TANC2: variants seen among roughly 807,000 people sequenced by gnomAD.
TANC2 encodes protein TANC2.
Under a neutral mutation model 210.5 loss-of-function variants are expected in TANC2, and 26 were observed. The ratio of observed to expected loss-of-function variants is 0.12; its 90% confidence interval spans 0.09 to 0.17. TANC2 has a LOEUF of 0.17. Among genes scored for constraint, TANC2 ranks in the 10% least tolerant of loss-of-function variants. The pLI is 1.00. For synonymous variants in TANC2, 931 were observed against 967.1 expected, an observed-to-expected ratio of 0.96 and a Z score of 0.69; for missense variants, 2,129 against 2,608.9, an observed-to-expected ratio of 0.82 and a Z score of 4.01.
chr17:63,165,284 A>G (rs1197740371), intron 5 of TANC2, among the ~76,000 whole-genome samples: 1 of 151,884 alleles, frequency 6.6e-6, no homozygotes, highest in East Asian at 1.9e-4. Flanking sequence ...TTAAAAAAAA[A>G]AGAAAGAAAT....
chr17:63,080,016 A>G (rs956846500), intron 3 of TANC2, among the ~76,000 whole-genome samples: 1 of 152,156 alleles, frequency 6.6e-6, no homozygotes, highest in Non-Finnish European at 1.5e-5. Context: ...GTTATTTTCT[A>G]CTTTCCAATA....
chr17:63,043,015 A>G (rs762681391), intron 2 of TANC2, among the ~76,000 whole-genome samples: 2 of 152,052 alleles, frequency 1.3e-5, no homozygotes, highest in African/African-American at 2.4e-5. Context: ...TCATAAAACT[A>G]TTTGTATTTT....
chr17:63,118,288 A>G (rs1339727340), intron 4 of TANC2, among the ~76,000 whole-genome samples: 1 of 152,122 alleles, frequency 6.6e-6, no homozygotes, highest in Admixed American at 6.5e-5. Flanking sequence ...GCAAGTTATG[A>G]TATTTATTGT....
At chr17:63,224,622 T>C (rs1270957157) in intron 7 of TANC2, among the ~76,000 whole-genome samples, 1 of 152,220 alleles carries the variant, frequency 6.6e-6, no homozygotes, top group Non-Finnish European at 1.5e-5. Flanking sequence ...TCCTCACTGA[T>C]ATTAGAGACC....
chr17:63,222,720 AACAC>A (rs58881477), intron 7 of TANC2, among the ~76,000 whole-genome samples: 2,710 of 148,548 alleles, frequency 0.018, 33 homozygotes, highest in African/African-American at 0.026. Context: ...AAACTGATTA[AACAC>A]ACACACACAC....
chr17:63,413,099 T>A (rs1356003745), intron 24 of TANC2: 1 of 226,208 alleles, frequency 4.4e-6, no homozygotes, highest in Non-Finnish European at 8.5e-6. Context: ...TATCAGTGGT[T>A]TCCCTTCTGC....
At chr17:63,207,457 C>T (rs997964433) in intron 7 of TANC2, among the ~76,000 whole-genome samples, 5 of 151,908 alleles carry the variant, frequency 3.3e-5, no homozygotes, top group African/African-American at 7.3e-5. Flanking sequence ...CCTCGTGATC[C>T]GCCCGCCTCA....
chr17:63,279,399 GAGGAGT>G (rs1226063900), intron 9 of TANC2, among the ~76,000 whole-genome samples: 1 of 151,616 alleles, frequency 6.6e-6, no homozygotes, highest in Non-Finnish European at 1.5e-5. Flanking sequence ...AAGATGGAGA[GAGGAGT>G]TAAGTAATTT....
At chr17:62,997,479 T>C (rs2143665199) in intron 1 of TANC2, among the ~76,000 whole-genome samples, 1 of 152,296 alleles carries the variant, frequency 6.6e-6, no homozygotes, top group Admixed American at 6.5e-5. Flanking sequence ...ATATGTAGCT[T>C]ACTTTTTATA....
chr17:63,427,532 CTG>C (rs1310771209), exon 28 of TANC2: 1 of 152,258 alleles, frequency 6.6e-6, no homozygotes, highest in Non-Finnish European at 1.5e-5. Flanking sequence ...TTTTCCTTTG[CTG>C]TACTTGCTTG....
chr17:63,367,632 G>C (rs928104357), intron 14 of TANC2, among the ~76,000 whole-genome samples: 1 of 152,170 alleles, frequency 6.6e-6, no homozygotes, highest in African/African-American at 2.4e-5. Flanking sequence ...GTTCAGCCTG[G>C]AAGTATGGGT....
At chr17:63,070,431 C>T (rs1258935784) in intron 2 of TANC2, among the ~76,000 whole-genome samples, 2 of 152,160 alleles carry the variant, frequency 1.3e-5, no homozygotes, top group African/African-American at 4.8e-5. Context: ...CCCATGCAGC[C>T]ATTAAACTTT....
intron 9 of TANC2, among the ~76,000 whole-genome samples, chr17:63,297,928 G>A (rs1596354): frequency 0.44 from 66,826 of 151,890 alleles, 18,283 homozygotes; most frequent in African/African-American, 0.78. Flanking sequence ...CAAAGAAGAT[G>A]TACAGATGTC....
intron 5 of TANC2, among the ~76,000 whole-genome samples, chr17:63,174,124 C>T (rs1455347398): frequency 6.6e-6 from 1 of 152,202 alleles, no homozygotes; most frequent in Non-Finnish European, 1.5e-5. Flanking sequence ...TTTGACATGA[C>T]TTTGGCATCT....
intron 19 of TANC2, among the ~76,000 whole-genome samples, chr17:63,401,954 C>T (rs1319201783): frequency 6.6e-6 from 1 of 152,164 alleles, no homozygotes; most frequent in African/African-American, 2.4e-5. Flanking sequence ...TGCCTCTAGC[C>T]TCACCCTTTT....
chr17:63,380,161 A>T (rs951201371), intron 15 of TANC2, among the ~76,000 whole-genome samples: 1 of 152,222 alleles, frequency 6.6e-6, no homozygotes, highest in Non-Finnish European at 1.5e-5. Flanking sequence ...CATGATGTCT[A>T]AAAAATCACT....
At chr17:63,292,974 C>T (rs1319254768) in intron 9 of TANC2, among the ~76,000 whole-genome samples, 1 of 152,174 alleles carries the variant, frequency 6.6e-6, no homozygotes, top group Non-Finnish European at 1.5e-5. Flanking sequence ...CTTCCCTGCT[C>T]ACCCAAAAAA....
intron 8 of TANC2, among the ~76,000 whole-genome samples, chr17:63,263,137 A>T (rs2043419433): frequency 6.6e-6 from 1 of 152,200 alleles, no homozygotes; most frequent in Non-Finnish European, 1.5e-5. Context: ...AGCACATTTT[A>T]ATCGGCTCTT....
At chr17:63,049,416 T>C (rs536273904) in intron 2 of TANC2, among the ~76,000 whole-genome samples, 32 of 152,190 alleles carry the variant, frequency 2.1e-4, no homozygotes, top group African/African-American at 6.5e-4. Flanking sequence ...GAAGGCATGA[T>C]TGGGGGGACA....
Sources: allele counts gnomAD v4.1 joint callset (sites outside exome capture counted in the v4.1 genomes callset), GRCh38; gene constraint gnomAD v4.1.1; transcripts MANE v1.5; gene names NCBI Gene and HGNC (gene_info 2026-07-23, HGNC 2026-07-21).